Variants in MST1 observed in about 807,000 individuals in gnomAD.
MST1 encodes macrophage stimulating 1.
A neutral mutation model predicts 100.1 loss-of-function variants in MST1; 76 were observed. The observed-to-expected ratio is 0.76, with a 90% CI of 0.63 to 0.92. The LOEUF (loss-of-function observed/expected upper bound fraction) is 0.92, where lower values mean the gene tolerates loss of function less well. MST1 is among the 40% of genes least tolerant of loss of function. The pLI is 0.00. For missense variants in MST1, 850 were observed against 990.0 expected, an observed-to-expected ratio of 0.86 and a Z score of 1.90; for synonymous variants, 352 against 385.4, an observed-to-expected ratio of 0.91 and a Z score of 1.01.
chr3:49,686,920 C>CA (rs1444268237), intron 6 of MST1, 27 bp downstream of exon 6: 1 of 1,611,548 alleles, frequency 6.2e-7, no homozygotes, highest in African/African-American at 1.3e-5. Flanking sequence ...GCCCGGCCCC[C>CA]AGGACGCCGA....
rs370891487 is a variant in MST1 at position 49,687,600 on chromosome 3, G to C, written c.311C>G (p.Thr104Arg). ...ACAGCGCCCAGAACGCCGCAGCCTCGTGTGGGGCGAGTGTTGAGTCCATGG... is the reference window on the plus strand; with the variant it reads ...ACAGCGCCCAGAACGCCGCAGCCTCCTGTGGGGCGAGTGTTGAGTCCATGG... ...LLPWTQHSPHTRLRRSGRCDL... is the reference protein window; with the variant it reads ...LLPWTQHSPHRRLRRSGRCDL... The change falls in exon 3 of 18, where the codon ACG becomes AGG. Residue 104 changes from threonine (T) to arginine (R), a missense_variant. Thr to Arg is a moderately conservative substitution (Grantham distance 71). This residue lies in a region of MST1 where 816 missense variants were observed against 924.6 expected (regional missense o/e 0.88). Transcript: ENST00000449682. 1.2e-5 allele frequency: 19 copies of C among 1,613,452 alleles called. No homozygotes were observed. The highest frequency in any genetic ancestry group is 5.3e-5 in the African/African-American group (4 of 74,924).
intron 8 of MST1, 24 bp downstream of exon 8, chr3:49,686,289 G>GCCCCACCCCCCCCCCCCCCC: frequency 3.2e-6 from 4 of 1,235,664 alleles, no homozygotes; most frequent in South Asian, 2.7e-5. Flanking sequence ...ACGTCCCAAC[G>GCCCCACCCCCCCCCCCCCCC]CCCGCCCCCC....
chr3:49,688,405 G>C (rs2053985632), intron 1 of MST1, 193 bp downstream of exon 1: 2 of 586,778 alleles, frequency 3.4e-6, no homozygotes, highest in Non-Finnish European at 6.2e-6. Flanking sequence ...TGCTAGAGCA[G>C]ACGTGCTAAT....
In MST1 at chr3:49,685,748, A is replaced by G; in HGVS notation, c.1251-16T>C. The G allele has an allele frequency of 6.2e-7, 1 of 1,612,954 alleles. No individual in the cohort carries two copies. Among genetic ancestry groups the G allele is most frequent in the Non-Finnish European group, 8.5e-7 (1 of 1,179,774 alleles). On this transcript the variant is annotated splice_polypyrimidine_tract_variant and intron_variant, in intron 10 of 17. Transcript: ENST00000449682. ...AAACGTGAACCTAGGCGGAAGCGGG[A>G]GCAAAATCGTGGCAGGGTAGTCTCA...
Position 49,684,059 on chromosome 3 carries a change from T to C in MST1, c.2147A>G (p.Asp716Gly), listed in dbSNP as rs775543396. The stretch of plus-strand genomic sequence containing the variant: ...CAGTCTCATGACCTTGTGAATCCAG[T>C]CCACAAACACAGAGACACGCGTGAA... ...AVFTRVSVFV[D>G]WIHKVMRLG The change falls in exon 18 of 18, where the codon GAC becomes GGC. Residue 716 changes from aspartate to glycine, a missense_variant. Physicochemically the swap from Asp to Gly is moderately conservative, Grantham distance 94 (BLOSUM62 -1). Transcript: ENST00000449682. 1.2e-6 allele frequency: 2 copies of C among 1,613,614 alleles called. No homozygotes were observed. The highest frequency in any genetic ancestry group is 3.3e-5 in the Admixed American group (2 of 60,016).
In MST1 at chr3:49,684,320, G is replaced by A. The variant is rs762964937; in HGVS notation, c.2010C>T (p.Ala670=). ...CTEGLLAPVG[A]CEGDYGGPLA... is the part of the protein sequence containing the mutation. ...CCAGGGCCCTGCCACCAACCTCACA[G>A]GCCCCCACAGGGGCCAACAGTCCCT... The change falls in exon 17 of 18, where the codon GCC becomes GCT. Residue 670 remains alanine, a synonymous_variant. Coordinates refer to ENST00000449682, the MANE Select transcript of MST1 (RefSeq NM_020998.4). The A allele has an allele frequency of 4.3e-6, 7 of 1,612,914 alleles. No individual in the cohort carries two copies. The highest frequency in any genetic ancestry group is 5.9e-6 in the Non-Finnish European group (7 of 1,179,854).
rs1314943726 is a variant in MST1 at position 49,685,073 on chromosome 3, A to G, written c.1561T>C (p.Cys521Arg). The change falls in exon 14 of 18, where the codon TGC becomes CGC. Residue 521 changes from cysteine to arginine, a missense_variant. This residue lies in a region of MST1 where 816 missense variants were observed against 924.6 expected (regional missense o/e 0.88). Transcript: ENST00000449682. ...SLRNRQGQHF[C>R]GGSLVKEQWI... ...TGCTCCTTCACTAGAGACCCCCCGC[A>G]GAAATGCTGGCCCTGCCTAGAGGAG... The G allele has an allele frequency of 4.3e-6, 7 of 1,611,410 alleles. No homozygotes were observed. Among genetic ancestry groups the G allele is most frequent in the Middle Eastern group, 1.7e-4 (1 of 5,922 alleles).
chr3:49,685,797 G>C (rs1559650422), intron 10 of MST1, 63 bp downstream of exon 10: 4 of 1,612,754 alleles, frequency 2.5e-6, no homozygotes, highest in Non-Finnish European at 3.4e-6. Flanking sequence ...TCTGGTCCCA[G>C]ACACCAAAGC....
At position 49,684,943 on chromosome 3, in the gene MST1, C is replaced by A. The variant is rs1337547384; in HGVS notation, c.1623-59G>T. 33 of 1,613,406 alleles carry A rather than the reference C, an allele frequency of 2.0e-5. No homozygotes were observed. The South Asian group carries it at 3.6e-4, about 18-fold the overall frequency. Reference sequence around the variant, plus strand: ...TCTCAGTCCATTGCCCCAAGGCTCACTTGTTAGCTTGCCTGGGGAAGGGGG... The same window carrying A: ...TCTCAGTCCATTGCCCCAAGGCTCAATTGTTAGCTTGCCTGGGGAAGGGGG... On this transcript the variant is annotated intron_variant, in intron 14 of 17. Coordinates refer to ENST00000449682, the MANE Select transcript of MST1 (RefSeq NM_020998.4).
rs1351426382 is a variant in MST1, at chr3:49,686,152, C to G, written c.1057G>C (p.Glu353Gln). ...CGCAGTGTGAAGCACCAGGGCGCCT[C>G]TGAGCCGTCGGGGTTCCGGCAGAAG... ...ENFCRNPDGS[E>Q]APWCFTLRPG... The change falls in exon 9 of 18, where the codon GAG becomes CAG. Residue 353 changes from glutamate to glutamine, a missense_variant. Coordinates refer to ENST00000449682, the MANE Select transcript of MST1 (RefSeq NM_020998.4). 6.2e-7 allele frequency: 1 copy of G among 1,611,424 alleles called. No individual in the cohort carries two copies. The highest frequency in any genetic ancestry group is 1.7e-5 in the Admixed American group (1 of 59,948).
intron 1 of MST1, 79 bp downstream of exon 1, chr3:49,688,518 CT>C (rs965700507): frequency 3.3e-6 from 5 of 1,536,712 alleles, no homozygotes; most frequent in Non-Finnish European, 4.4e-6. Flanking sequence ...GGCTCCCCGA[CT>C]TTTTTCTCAT....
At position 49,687,654 on chromosome 3, in the gene MST1, T is replaced by C. The variant is rs1422457162; in HGVS notation, c.257A>G (p.Asn86Ser). Residue 86 changes from asparagine to serine, a missense_variant, in exon 3 of 18, where the codon AAC (asparagine) becomes AGC (serine). This residue lies in a region of MST1 where 816 missense variants were observed against 924.6 expected (regional missense o/e 0.88). Coordinates refer to ENST00000449682, the MANE Select transcript of MST1 (RefSeq NM_020998.4). ...PLMDCRAFHY[N>S]VSSHGCQLLP... ...CAGTTGGCAACCATGGCTGCTCACGTTGTAGTGGAAGGCCCTGGAGAGAAG... is the reference window on the plus strand; with the variant it reads ...CAGTTGGCAACCATGGCTGCTCACGCTGTAGTGGAAGGCCCTGGAGAGAAG... 1.2e-6 allele frequency: 2 copies of C among 1,613,470 alleles called. No homozygotes were observed. Among genetic ancestry groups the C allele is most frequent in the African/African-American group, 1.3e-5 (1 of 75,058 alleles).
At chr3:49,688,001 G>C (rs1424800806) in intron 1 of MST1, 104 bp from the exon 2 acceptor site, 3 of 1,200,622 alleles carry the variant, frequency 2.5e-6, no homozygotes, top group African/African-American at 4.4e-5. Flanking sequence ...AAGCTACAAG[G>C]CTTCTGGGAT....
chr3:49,685,721 G>A lies in MST1; in HGVS notation c.1262C>T (p.Thr421Ile), dbSNP rs1234245343. The change falls in exon 11 of 18, where the codon ACC becomes ATC. Residue 421 changes from threonine (T) to isoleucine (I), a missense_variant. By Grantham distance (89) the Thr-to-Ile change is moderately conservative (BLOSUM62 -1). This residue lies in a region of MST1 where 816 missense variants were observed against 924.6 expected (regional missense o/e 0.88). Coordinates refer to ENST00000449682, the MANE Select transcript of MST1 (RefSeq NM_020998.4). ...CTCCAGTTGTGCATGCGGTTCGGAGGTAAACGTGAACCTAGGCGGAAGCGG... is the reference window on the plus strand; with the variant it reads ...CTCCAGTTGTGCATGCGGTTCGGAGATAAACGTGAACCTAGGCGGAAGCGG... ...ETPHKPQFTFTSEPHAQLEEN... is the reference protein window; with the variant it reads ...ETPHKPQFTFISEPHAQLEEN... 1 of 1,613,264 alleles carries A rather than the reference G, an allele frequency of 6.2e-7. No individual in the cohort carries two copies. Among genetic ancestry groups the A allele is most frequent in the Non-Finnish European group, 8.5e-7 (1 of 1,179,832 alleles).
Position 49,687,249 on chromosome 3 carries a change from G to A in MST1, c.507C>T (p.Asn169=), listed in dbSNP as rs746414373. 1.4e-5 allele frequency: 22 copies of A among 1,613,426 alleles called. No individual in the cohort carries two copies. The highest frequency in any genetic ancestry group is 5.1e-6 in the Non-Finnish European group (6 of 1,179,890). ...TPTLRNGLEE[N]FCRNPDGDPG... ...GGTCGCCATCAGGGTTACGGCAGAA[G>A]TTCTCTTCCAGGCCATTCCGGAGAG... is the stretch of plus-strand genomic sequence containing the variant. The change falls in exon 5 of 18, where the codon AAC becomes AAT. Residue 169 remains asparagine, a synonymous_variant. Coordinates refer to ENST00000449682, the MANE Select transcript of MST1 (RefSeq NM_020998.4).
Position 49,686,497 on chromosome 3 carries a change from A to T in MST1, c.848-16T>A, listed in dbSNP as rs200517391. On this transcript the variant is annotated splice_polypyrimidine_tract_variant and intron_variant, in intron 7 of 17. Transcript: ENST00000449682. ...GCCTCGGACCCTTAGATGGACCGAG[A>T]TAGGTCGGGCCCCGAGCGAGAGCTG... 242 of 1,611,056 alleles carry T rather than the reference A, an allele frequency of 1.5e-4. No homozygotes were observed. The highest frequency in any genetic ancestry group is 2.0e-4 in the Non-Finnish European group (234 of 1,179,116).
In MST1 at chr3:49,686,694, G is replaced by A; in HGVS notation, c.837C>T (p.Leu279=). 6.4e-7 allele frequency: 1 copy of A among 1,568,260 alleles called. No homozygotes were observed. The highest frequency in any genetic ancestry group is 1.9e-5 in the Admixed American group (1 of 53,728). The change falls in exon 7 of 18, where the codon CTC becomes CTT. Residue 279 remains leucine, a synonymous_variant. Transcript: ENST00000449682. ...GTCCCCGCCGCCTACCGCAGCGGGG[G>A]AGGTCACAGAACTCTCGCTCGATCT... The part of the protein sequence containing the change: ...DPQIEREFCD[L]PRCGSEAQPR...
At chr3:49,688,018 T>C in intron 1 of MST1, 121 bp from the exon 2 acceptor site, 2 of 1,386,422 alleles carry the variant, frequency 1.4e-6, no homozygotes, top group Non-Finnish European at 1.9e-6. Flanking sequence ...GGATGGACCC[T>C]GTATGCACTT....
chr3:49,686,591 A>AG, intron 7 of MST1, 93 bp downstream of exon 7: 1 of 1,552,068 alleles, frequency 6.4e-7, no homozygotes, highest in South Asian at 1.2e-5. Context: ...GTATGCTCTC[A>AG]GGTCACGCCC....
Sources: gnomAD v4.1 joint callset for allele counts on GRCh38, gnomAD v4.1.1 for gene constraint, gnomAD v4.1.1 regional missense constraint, MANE v1.5 for transcripts, NCBI Gene and HGNC (gene_info 2026-07-23, HGNC 2026-07-21) for gene names.